The following RTN2 variants were observed in gnomAD, a reference collection of about 807,000 sequenced individuals.
The protein encoded by RTN2 is reticulon-2.
RTN2 carries 36 observed loss-of-function variants against 63.7 expected under a neutral mutation model. That is an observed-to-expected ratio of 0.56 (90% CI 0.43 to 0.75). The LOEUF is 0.75. RTN2 is among the 30% of genes least tolerant of loss of function. RTN2 has a pLI of 0.00. For synonymous variants in RTN2, 312 were observed against 313.0 expected, an observed-to-expected ratio of 1.00 and a Z score of 0.03; for missense variants, 673 against 705.1, an observed-to-expected ratio of 0.95 and a Z score of 0.52.
In RTN2 at chr19:45,488,851, G is replaced by T. The variant is rs760455353; in HGVS notation, c.1377C>A (p.Leu459=). 21 of 1,602,092 alleles carry T rather than the reference G, an allele frequency of 1.3e-5. No homozygotes were observed. Residue 459 remains leucine, a synonymous_variant, in exon 7 of 11, where the codon CTC becomes CTA. Transcript: ENST00000245923. ...GGGGCTGAGAGCTCCAGGCCACCTT[G>T]AGGGAATCCACGAGGTCTTCTACCA... The part of the protein sequence containing the change: ...FFLVEDLVDS[L]KLALLFYILT...
intron 1 of RTN2, 28 bp downstream of exon 1, chr19:45,496,764 C>T (rs1182732428): frequency 6.8e-7 from 1 of 1,478,092 alleles, no homozygotes; most frequent in Non-Finnish European, 9.1e-7. Flanking sequence ...CTGGGGCCCA[C>T]ACCAGGCCCC....
chr19:45,496,902 T>C lies in RTN2; in HGVS notation c.-77A>G. The C allele has an allele frequency of 1.1e-6, 1 of 880,164 alleles. No individual in the cohort carries two copies. Among genetic ancestry groups the C allele is most frequent in the Non-Finnish European group, 1.6e-6 (1 of 632,774 alleles). 54.5% of individuals were successfully genotyped at this position (880,164 alleles called of 1,614,324 possible). A position where few individuals can be genotyped will look rare whatever the true frequency, so the allele number is the denominator to read the frequency against. On this transcript the variant is annotated 5_prime_UTR_variant, in exon 1 of 11. It removes an upstream start codon present in the reference 5' UTR. Transcript: ENST00000245923. ...CTGGGCCCGGGGTCGCGGGCGCTCA[T>C]CTCCGCCGCGCCCACGACGCCGCTG...
chr19:45,487,582 G>GTTTTTTTTTTTTTTTTTTT (rs1968051695), intron 9 of RTN2, among the ~76,000 whole-genome samples: 1 of 121,264 alleles, frequency 8.2e-6, no homozygotes, highest in African/African-American at 3.1e-5. Flanking sequence ...TTTATTTTTT[G>GTTTTTTTTTTTTTTTTTTT]GTTTTTTTTT....
rs188721923 is a variant in RTN2 at position 45,486,343 on chromosome 19, C to G, written c.1498-230G>C. Among the ~76,000 whole-genome samples the G allele has an allele frequency of 2.6e-4, 40 of 152,232 alleles. No individual in the cohort carries two copies. In the East Asian group the frequency reaches 4.8e-3, roughly 18 times the overall value. ...GGAGAGTGATGTCAGGTGGAACGCACAAGTATCTGGCAGTGAGGCCGTGTC... is the reference window on the plus strand; with the variant it reads ...GGAGAGTGATGTCAGGTGGAACGCAGAAGTATCTGGCAGTGAGGCCGTGTC... On this transcript the variant is annotated intron_variant, in intron 9 of 10. Transcript: ENST00000245923.
intron 1 of RTN2, 39 bp downstream of exon 1, chr19:45,496,753 T>G (rs1383354391): frequency 1.4e-6 from 2 of 1,427,866 alleles, no homozygotes; most frequent in Non-Finnish European, 1.9e-6. Context: ...CACCTGAACC[T>G]CTGGGGCCCA....
Position 45,494,169 on chromosome 19 carries a change from G to A in RTN2, c.811C>T (p.Leu271=). 1 of 1,601,438 alleles carries A rather than the reference G, an allele frequency of 6.2e-7. No individual in the cohort carries two copies. Among genetic ancestry groups the A allele is most frequent in the Non-Finnish European group, 8.5e-7 (1 of 1,179,798 alleles). ...QLEFTVEPRL[L]GTAMEWLKTS... ...CATCTTCATACACGTTGCTTACCTA[G>A]AAGGCGTGGCTCCACCGTGAATTCT... Residue 271 remains leucine (L), a synonymous_variant, in exon 4 of 11, where the codon CTA becomes TTA. Transcript: ENST00000245923. The surrounding 1 kb of genome is among the most constrained non-coding windows in gnomAD (Gnocchi z 5.3).
chr19:45,486,740 T>TC (rs1968030892), intron 9 of RTN2, among the ~76,000 whole-genome samples: 1 of 147,332 alleles, frequency 6.8e-6, no homozygotes, highest in Non-Finnish European at 1.5e-5. Flanking sequence ...TTCTTTCTTT[T>TC]TTTTTTTTTC....
intron 4 of RTN2, 36 bp from the exon 5 acceptor site, chr19:45,493,414 C>G: frequency 6.8e-7 from 1 of 1,467,546 alleles, no homozygotes; most frequent in Non-Finnish European, 9.5e-7. Flanking sequence ...AAGGCTGGGT[C>G]ATTTTACAAC....
intron 5 of RTN2, among the ~76,000 whole-genome samples, chr19:45,491,713 G>A (rs1324240175): frequency 6.6e-6 from 1 of 151,608 alleles, no homozygotes; most frequent in Non-Finnish European, 1.5e-5. Context: ...TTGTATTTTA[G>A]TAGAGACGGG....
intron 9 of RTN2, among the ~76,000 whole-genome samples, chr19:45,486,701 T>G (rs907419419): frequency 7.7e-5 from 11 of 143,554 alleles, no homozygotes; most frequent in African/African-American, 2.6e-4. Context: ...TTATTTATTT[T>G]TTTCTTGTTC....
At chr19:45,495,796 TGAG>T (rs1332878662) in intron 1 of RTN2, among the ~76,000 whole-genome samples, 1 of 152,018 alleles carries the variant, frequency 6.6e-6, no homozygotes, top group Non-Finnish European at 1.5e-5. Flanking sequence ...GAAGAGTGAC[TGAG>T]GAGGAGAGGA....
At chr19:45,490,892 G>GTT (rs199618765) in intron 5 of RTN2, among the ~76,000 whole-genome samples, 13 of 129,506 alleles carry the variant, frequency 1.0e-4, no homozygotes, top group Admixed American at 6.2e-4. Context: ...TTGTTTGTTT[G>GTT]TTTTTTTTTT....
chr19:45,487,034 T>A (rs1568621283), intron 9 of RTN2, among the ~76,000 whole-genome samples: 6 of 79,166 alleles, frequency 7.6e-5, no homozygotes, highest in African/African-American at 3.1e-4. Context: ...TGCCCAGCCT[T>A]TTTTTTTTTT....
chr19:45,491,775 C>T (rs1019519217), intron 5 of RTN2, among the ~76,000 whole-genome samples: 1 of 151,886 alleles, frequency 6.6e-6, no homozygotes, highest in African/African-American at 2.4e-5. Context: ...TGTGATCTGC[C>T]CACCTCGACC....
intron 5 of RTN2, among the ~76,000 whole-genome samples, chr19:45,490,440 A>G (rs1038468810): frequency 6.6e-6 from 1 of 152,108 alleles, no homozygotes; most frequent in Non-Finnish European, 1.5e-5. Flanking sequence ...GCAGGGCTGC[A>G]AGCAACATCC....
intron 5 of RTN2, among the ~76,000 whole-genome samples, chr19:45,490,585 TA>T (rs1445056532): frequency 6.6e-6 from 1 of 151,290 alleles, no homozygotes; most frequent in East Asian, 1.9e-4. Context: ...TTTTTGTTTT[TA>T]TTTTTTTTGA....
In RTN2 at chr19:45,485,564, G is replaced by C; in HGVS notation, c.*144C>G. The C allele has an allele frequency of 1.5e-6, 1 of 659,322 alleles. No homozygotes were observed. Among genetic ancestry groups the C allele is most frequent in the East Asian group, 2.6e-5 (1 of 38,696 alleles). 40.8% of individuals were successfully genotyped at this position (659,322 alleles called of 1,614,324 possible). Reference sequence around the variant, plus strand: ...CCTGGTCGCTCAGGTAATTAGCGCAGAGTCCCTAGTGGGAGTGATCCTGAC... The same window carrying C: ...CCTGGTCGCTCAGGTAATTAGCGCACAGTCCCTAGTGGGAGTGATCCTGAC... On this transcript the variant is annotated 3_prime_UTR_variant, in exon 11 of 11. Coordinates refer to ENST00000245923, the MANE Select transcript of RTN2 (RefSeq NM_005619.5).
Position 45,493,079 on chromosome 19 carries a change from C to G in RTN2, c.1033+81G>C, listed in dbSNP as rs1342351766. ...GAAGCAGATCAGTAATAAAAATGCT[C>G]CGGATGTGCAGGAGATAAGGGCGAG... On this transcript the variant is annotated intron_variant, in intron 5 of 10. Transcript: ENST00000245923. The G allele has an allele frequency of 9.9e-6, 13 of 1,315,298 alleles. No individual in the cohort carries two copies. In the East Asian group the frequency reaches 2.8e-4, roughly 28 times the overall value. 81.5% of individuals were successfully genotyped at this position (1,315,298 alleles called of 1,614,324 possible). A position where few individuals can be genotyped will look rare whatever the true frequency, so the allele number is the denominator to read the frequency against.
rs201863499 is a variant in RTN2 at position 45,488,903 on chromosome 19, G to A, written c.1325C>T (p.Ala442Val). ...SHQITSRVVSAATQLRHFFLV... is the reference protein window; with the variant it reads ...SHQITSRVVSVATQLRHFFLV... ...GAAGAAGTGCCGCAGCTGCGTGGCC[G>A]CCGAGACCACGCGGGAGGTGATCTG... The change falls in exon 7 of 11, where the codon GCG becomes GTG. Residue 442 changes from alanine (A) to valine (V), a missense_variant. Transcript: ENST00000245923. The A allele has an allele frequency of 1.0e-4, 160 of 1,607,820 alleles. 2 individuals are homozygous for A. Among genetic ancestry groups the A allele is most frequent in the South Asian group, 5.1e-4 (46 of 89,790 alleles).
Sources: allele counts gnomAD v4.1 joint callset (sites outside exome capture counted in the v4.1 genomes callset), GRCh38; gene constraint gnomAD v4.1.1; non-coding constraint Gnocchi (gnomAD v3.1); transcripts MANE v1.5; gene names NCBI Gene and HGNC (gene_info 2026-07-23, HGNC 2026-07-21).